The following MLLT10 variants were observed in gnomAD, a reference collection of about 807,000 sequenced individuals.
MLLT10 encodes the protein protein AF-10.
MLLT10 carries 30 observed loss-of-function variants against 129.1 expected under a neutral mutation model. The observed-to-expected ratio is 0.23, with a 90% CI of 0.17 to 0.32. The LOEUF (loss-of-function observed/expected upper bound fraction) is 0.32, where lower values mean the gene tolerates loss of function less well. Ranked by LOEUF, MLLT10 falls within the 10% of genes least tolerant of loss-of-function variation. MLLT10 has a pLI of 1.00. For missense variants in MLLT10, 1,119 were observed against 1,268.3 expected (o/e 0.88, Z 1.79); for synonymous variants, 490 against 446.4 (o/e 1.10, Z -1.23).
In MLLT10 at chr10:21,567,025, C is replaced by T. The variant is rs537949868; in HGVS notation, c.241-19269C>T. 7.2e-5 allele frequency among the ~76,000 whole-genome samples: 11 copies of T among 152,216 alleles called. No homozygotes were observed. The South Asian group carries it at 2.3e-3, about 32-fold the overall frequency. On this transcript the variant is annotated intron_variant, in intron 3 of 22. Coordinates refer to ENST00000307729, the MANE Select transcript of MLLT10 (RefSeq NM_001195626.3). ...ACGGAGTTTGTCCATGTTGGTCAGG[C>T]TGTTCTCGAACTTCCGACTTGAGGT...
At chr10:21,565,525 T>G (rs2039438001) in intron 3 of MLLT10, among the ~76,000 whole-genome samples, 1 of 152,036 alleles carries the variant, frequency 6.6e-6, no homozygotes, top group Non-Finnish European at 1.5e-5. Context: ...ACCAAGCTGG[T>G]CTCGAGCTGT....
chr10:21,558,574 TGG>T (rs1315541506), intron 3 of MLLT10, among the ~76,000 whole-genome samples: 1 of 151,488 alleles, frequency 6.6e-6, no homozygotes, highest in African/African-American at 2.4e-5. Flanking sequence ...AGAATAGAGG[TGG>T]GGTTTTGCTA....
intron 3 of MLLT10, among the ~76,000 whole-genome samples, chr10:21,575,993 C>A (rs1044368345): frequency 6.6e-6 from 1 of 151,908 alleles, no homozygotes; most frequent in Non-Finnish European, 1.5e-5. Flanking sequence ...GTGGTGTGAT[C>A]TTGGCTCACT....
intron 8 of MLLT10, among the ~76,000 whole-genome samples, chr10:21,620,086 C>T (rs1380857701): frequency 2.0e-5 from 3 of 151,894 alleles, no homozygotes; most frequent in African/African-American, 4.8e-5. Flanking sequence ...CACACCACCA[C>T]GCCCAGCTAA....
chr10:21,566,117 A>AT (rs1334429316), intron 3 of MLLT10, among the ~76,000 whole-genome samples: 5 of 149,168 alleles, frequency 3.4e-5, no homozygotes, highest in South Asian at 2.1e-4. Context: ...GCCTGGCTAA[A>AT]TTTTTTTTTG....
At chr10:21,650,868 A>G (rs1379763471) in intron 8 of MLLT10, among the ~76,000 whole-genome samples, 2 of 152,022 alleles carry the variant, frequency 1.3e-5, no homozygotes. Context: ...TAATTCATCT[A>G]TTTTTTTGAG....
intron 13 of MLLT10, among the ~76,000 whole-genome samples, chr10:21,693,190 G>C (rs1436557909): frequency 6.6e-6 from 1 of 152,084 alleles, no homozygotes; most frequent in African/African-American, 2.4e-5. Context: ...ATCACCCCAT[G>C]TAAAAATTCA....
chr10:21,632,784 A>T (rs1345430848), intron 8 of MLLT10, among the ~76,000 whole-genome samples: 2 of 152,190 alleles, frequency 1.3e-5, no homozygotes, highest in East Asian at 3.8e-4. Context: ...GATCTGACTT[A>T]TCTGAGAAGC....
rs368942911 is a variant in MLLT10 at position 21,725,330 on chromosome 10, T to C, written c.1879-914T>C. On this transcript the variant is annotated intron_variant, in intron 14 of 22. Transcript: ENST00000307729. The stretch of plus-strand genomic sequence containing the variant: ...ATTAATTAGTCTCATGTCCACATGG[T>C]TGCTGTGCCACTGGGGTTTGGTATC... Among the ~76,000 whole-genome samples, 4 of 152,346 alleles carry C rather than the reference T, an allele frequency of 2.6e-5. No homozygotes were observed. The East Asian group carries it at 7.7e-4, about 29-fold the overall frequency.
intron 13 of MLLT10, among the ~76,000 whole-genome samples, chr10:21,709,277 G>A (rs541857132): frequency 3.4e-5 from 5 of 145,590 alleles, no homozygotes; most frequent in South Asian, 2.1e-4. Context: ...TTGCTCTGTC[G>A]CCCAGGCTGG....
chr10:21,675,954 T>C (rs1774489079), intron 11 of MLLT10, among the ~76,000 whole-genome samples: 1 of 152,160 alleles, frequency 6.6e-6, no homozygotes, highest in African/African-American at 2.4e-5. Flanking sequence ...CATAGGATGG[T>C]TGCTTTCAGA....
intron 3 of MLLT10, among the ~76,000 whole-genome samples, chr10:21,556,090 C>T (rs2130975794): frequency 6.6e-6 from 1 of 152,180 alleles, no homozygotes; most frequent in African/African-American, 2.4e-5. Context: ...ATTCTCCTGC[C>T]TCCGCCTCCT....
At chr10:21,660,721 A>G (rs2050100602) in intron 9 of MLLT10, among the ~76,000 whole-genome samples, 1 of 151,774 alleles carries the variant, frequency 6.6e-6, no homozygotes, top group Non-Finnish European at 1.5e-5. Context: ...TAAAAATACA[A>G]AAATTAGCTG....
At chr10:21,731,431 A>G (rs1466710128) in intron 17 of MLLT10, among the ~76,000 whole-genome samples, 1 of 152,160 alleles carries the variant, frequency 6.6e-6, no homozygotes, top group African/African-American at 2.4e-5. Context: ...CTCGGTGCTT[A>G]CCATGATTAT....
chr10:21,628,433 T>C (rs994016402), intron 8 of MLLT10, among the ~76,000 whole-genome samples: 13 of 137,036 alleles, frequency 9.5e-5, no homozygotes, highest in South Asian at 2.4e-4. Flanking sequence ...TGCTCTCTCT[T>C]TTTTTTTTTT....
At chr10:21,735,460 T>TA (rs1343289064) in intron 21 of MLLT10, among the ~76,000 whole-genome samples, 3 of 152,200 alleles carry the variant, frequency 2.0e-5, no homozygotes, top group Non-Finnish European at 4.4e-5. Flanking sequence ...TAGGCTCTGG[T>TA]AACACAGTGC....
intron 21 of MLLT10, among the ~76,000 whole-genome samples, chr10:21,736,232 G>T (rs557010555): frequency 1.3e-5 from 2 of 152,154 alleles, no homozygotes; most frequent in African/African-American, 4.8e-5. Flanking sequence ...GGCAGGAGAC[G>T]TAGGTGTTAA....
intron 8 of MLLT10, among the ~76,000 whole-genome samples, chr10:21,638,256 G>T: frequency 8.9e-6 from 1 of 112,608 alleles, no homozygotes; most frequent in African/African-American, 3.4e-5. Flanking sequence ...CTTCTTTTTG[G>T]TGGGGGGAGG....
chr10:21,559,805 A>G (rs1180183915), intron 3 of MLLT10, among the ~76,000 whole-genome samples: 2 of 152,244 alleles, frequency 1.3e-5, no homozygotes, highest in Non-Finnish European at 2.9e-5. Flanking sequence ...GCTGAATACT[A>G]CATAATCCAT....
Sources: allele counts gnomAD v4.1 joint callset (sites outside exome capture counted in the v4.1 genomes callset), GRCh38; gene constraint gnomAD v4.1.1; transcripts MANE v1.5; gene names NCBI Gene and HGNC (gene_info 2026-07-23, HGNC 2026-07-21).